PDE4D: variants seen among roughly 807,000 people sequenced by gnomAD.
PDE4D encodes phosphodiesterase 4D, also known as 3',5'-cyclic-AMP phosphodiesterase 4D.
A neutral mutation model predicts 87.4 loss-of-function variants in PDE4D; 24 were observed. The observed-to-expected ratio is 0.27, with a 90% CI of 0.20 to 0.39. PDE4D has a LOEUF of 0.39. Among genes scored for constraint, PDE4D ranks in the 10% least tolerant of loss-of-function variants. PDE4D has a pLI of 1.00. For missense variants in PDE4D, 714 were observed against 1,041.0 expected (o/e 0.69, Z 4.32); for synonymous variants, 384 against 383.2 (o/e 1.00, Z -0.02).
At chr5:59,712,067 A>C (rs1439700693) in intron 1 of PDE4D, among the ~76,000 whole-genome samples, 2 of 152,066 alleles carry the variant, frequency 1.3e-5, no homozygotes, top group African/African-American at 2.4e-5. Context: ...TGATGCATGG[A>C]CCTGCTTTGA....
intron 2 of PDE4D, among the ~76,000 whole-genome samples, chr5:59,203,870 G>C (rs1748122965): frequency 6.6e-6 from 1 of 152,116 alleles, no homozygotes; most frequent in African/African-American, 2.4e-5. Flanking sequence ...GGGAGGATGT[G>C]GAATGGGAGA....
intron 1 of PDE4D, among the ~76,000 whole-genome samples, chr5:59,887,093 G>C (rs539920060): frequency 6.6e-6 from 1 of 152,254 alleles, no homozygotes; most frequent in South Asian, 2.1e-4. Flanking sequence ...TGGTCTTTGA[G>C]ATCCAAAGTT....
chr5:59,327,700 G>A (rs559114257), intron 1 of PDE4D, among the ~76,000 whole-genome samples: 15 of 151,990 alleles, frequency 9.9e-5, no homozygotes, highest in African/African-American at 3.1e-4. Context: ...GGTTCTTAAC[G>A]TTCTTCTCAA....
At position 59,464,419 on chromosome 5, in the gene PDE4D, G is replaced by A. The variant is rs546520081; in HGVS notation, c.456-248451C>T. ...GCAATACTGCTTTGTAAAGCATTGA[G>A]ATGTTTATGTGTATGCATATCTAAA... On this transcript the variant is annotated intron_variant, in intron 1 of 14. Transcript: ENST00000340635. Among the ~76,000 whole-genome samples, 301 of 152,346 alleles carry A rather than the reference G, an allele frequency of 2.0e-3. 1 individual carries two copies. Among genetic ancestry groups the A allele is most frequent in the Non-Finnish European group, 3.4e-3 (230 of 68,032 alleles).
chr5:59,631,384 G>A (rs1222286264), intron 1 of PDE4D, among the ~76,000 whole-genome samples: 1 of 152,120 alleles, frequency 6.6e-6, no homozygotes, highest in Non-Finnish European at 1.5e-5. Context: ...CTATATTACT[G>A]AGATAATTTA....
intron 2 of PDE4D, among the ~76,000 whole-genome samples, chr5:60,114,384 C>T (rs1777949891): frequency 6.6e-6 from 1 of 152,026 alleles, no homozygotes; most frequent in Admixed American, 6.6e-5. Context: ...TCATTATGTG[C>T]TTTCTAAAGT....
At chr5:60,076,298 A>T (rs1471912168) in intron 2 of PDE4D, among the ~76,000 whole-genome samples, 1 of 152,050 alleles carries the variant, frequency 6.6e-6, no homozygotes, top group Admixed American at 6.6e-5. Flanking sequence ...AGCTGGGACT[A>T]CAGGCGCCCA....
chr5:60,484,243 T>G (rs965889858), intron 1 of PDE4D, among the ~76,000 whole-genome samples: 1 of 151,940 alleles, frequency 6.6e-6, no homozygotes, highest in African/African-American at 2.4e-5. Flanking sequence ...CTAACCCACT[T>G]TTTCCTGTGA....
chr5:60,132,591 A>AG (rs1165253736), intron 2 of PDE4D, among the ~76,000 whole-genome samples: 2 of 152,200 alleles, frequency 1.3e-5, no homozygotes, highest in Non-Finnish European at 2.9e-5. Flanking sequence ...TTCATGCATT[A>AG]GATACTTTGT....
intron 1 of PDE4D, among the ~76,000 whole-genome samples, chr5:60,511,024 G>A (rs932667331): frequency 3.9e-5 from 6 of 152,054 alleles, no homozygotes; most frequent in African/African-American, 1.5e-4. Flanking sequence ...GGCTGGAGTG[G>A]AGTGCAGTGG....
intron 1 of PDE4D, among the ~76,000 whole-genome samples, chr5:59,621,402 C>T (rs1830339345): frequency 6.6e-6 from 1 of 152,204 alleles, no homozygotes; most frequent in South Asian, 2.1e-4. Flanking sequence ...TTCTTGTCAC[C>T]ATGGTGACTT....
At chr5:59,168,596 C>A (rs1782257330) in intron 5 of PDE4D, among the ~76,000 whole-genome samples, 1 of 152,170 alleles carries the variant, frequency 6.6e-6, no homozygotes, top group South Asian at 2.1e-4. Flanking sequence ...TATCCCTCCT[C>A]TTGTCCTACC....
chr5:59,100,758 G>C (rs1343987650), intron 5 of PDE4D, among the ~76,000 whole-genome samples: 1 of 152,188 alleles, frequency 6.6e-6, no homozygotes, highest in African/African-American at 2.4e-5. Context: ...ACAGAAGCTA[G>C]CACAGTACTT....
At chr5:59,846,268 C>A (rs924332675) in intron 1 of PDE4D, among the ~76,000 whole-genome samples, 1 of 152,052 alleles carries the variant, frequency 6.6e-6, no homozygotes, top group African/African-American at 2.4e-5. Flanking sequence ...TCTGCATTTT[C>A]AGCACTGCTG....
chr5:59,629,602 C>T (rs543548855), intron 1 of PDE4D, among the ~76,000 whole-genome samples: 1 of 152,300 alleles, frequency 6.6e-6, no homozygotes, highest in East Asian at 1.9e-4. Context: ...ACCTTGATCT[C>T]AGACTCCTAG....
At chr5:59,828,668 G>C (rs532707967) in intron 1 of PDE4D, among the ~76,000 whole-genome samples, 4 of 152,168 alleles carry the variant, frequency 2.6e-5, no homozygotes, top group Non-Finnish European at 4.4e-5. Flanking sequence ...ACCTCAGCAA[G>C]AGTCCTTTTA....
chr5:59,746,297 G>A (rs927618642), intron 1 of PDE4D, among the ~76,000 whole-genome samples: 8 of 151,982 alleles, frequency 5.3e-5, no homozygotes, highest in African/African-American at 1.2e-4. Context: ...ATACACACAC[G>A]GCCAAGATGT....
At chr5:60,375,864 C>T (rs2149994548) in intron 1 of PDE4D, among the ~76,000 whole-genome samples, 1 of 152,274 alleles carries the variant, frequency 6.6e-6, no homozygotes, top group East Asian at 1.9e-4. Context: ...CATGGTGAAA[C>T]CTCATCTCTA....
chr5:59,548,738 T>TG (rs1405372972), intron 1 of PDE4D, among the ~76,000 whole-genome samples: 2 of 152,006 alleles, frequency 1.3e-5, no homozygotes, highest in Non-Finnish European at 2.9e-5. Context: ...TGAAAAAAAA[T>TG]GGAGTTCCTT....
Sources: gnomAD v4.1 joint callset for allele counts (sites outside exome capture counted in the v4.1 genomes callset) on GRCh38, gnomAD v4.1.1 for gene constraint, MANE v1.5 for transcripts, NCBI Gene and HGNC (gene_info 2026-07-23, HGNC 2026-07-21) for gene names.